Variants in NSUN6 observed in about 807,000 individuals in gnomAD.
The protein encoded by NSUN6 is NOP2/Sun RNA methyltransferase 6.
A neutral mutation model predicts 58.0 loss-of-function variants in NSUN6; 64 were observed. That is an observed-to-expected ratio of 1.10 (90% CI 0.90 to 1.36). NSUN6 has a LOEUF of 1.36. NSUN6 is among the 40% of genes most tolerant of loss of function. The pLI is 0.00. For synonymous variants in NSUN6, 231 were observed against 193.9 expected (o/e 1.19, Z -1.59); for missense variants, 701 against 550.1 (o/e 1.27, Z -2.74).
chr10:18,562,119 G>A (rs1262101122), intron 8 of NSUN6, among the ~76,000 whole-genome samples: 2 of 150,734 alleles, frequency 1.3e-5, no homozygotes, highest in East Asian at 2.0e-4. Flanking sequence ...GTGGAGCACT[G>A]AATGGAATGG....
At chr10:18,591,445 T>C (rs1213509353) in intron 7 of NSUN6, among the ~76,000 whole-genome samples, 1 of 152,186 alleles carries the variant, frequency 6.6e-6, no homozygotes, top group East Asian at 1.9e-4. Context: ...ACAATATCCC[T>C]GATGAATATC....
chr10:18,547,333 G>C (rs1325577012), intron 10 of NSUN6, among the ~76,000 whole-genome samples: 1 of 152,172 alleles, frequency 6.6e-6, no homozygotes, highest in Non-Finnish European at 1.5e-5. Flanking sequence ...TATATTTTGA[G>C]TGTGTGTATA....
intron 3 of NSUN6, among the ~76,000 whole-genome samples, chr10:18,622,059 CAG>C (rs138349101): frequency 1.3e-5 from 2 of 151,822 alleles, no homozygotes; most frequent in Non-Finnish European, 2.9e-5. Context: ...CACACACACA[CAG>C]ACACACACAC....
rs10579235 is a variant in NSUN6 at position 18,611,723 on chromosome 10, GGTGT to G, written c.576-1801_576-1798del. Among the ~76,000 whole-genome samples the G allele has an allele frequency of 8.9e-3, 1,324 of 148,902 alleles. 13 individuals carry two copies. Among genetic ancestry groups the G allele is most frequent in the South Asian group, 0.036 (169 of 4,668 alleles). ...GTGTGTGTGGACAGAGTCTCACTAT[GGTGT>G]GTGTGTGTGTGTGTGTGTGTGTCTG... On this transcript the variant is annotated intron_variant, in intron 5 of 10. Coordinates refer to ENST00000377304, the MANE Select transcript of NSUN6 (RefSeq NM_182543.5).
intron 3 of NSUN6, among the ~76,000 whole-genome samples, chr10:18,622,756 C>T (rs2058657492): frequency 6.6e-6 from 1 of 152,142 alleles, no homozygotes; most frequent in African/African-American, 2.4e-5. Context: ...GAAGACAAAT[C>T]CAGTCTCATT....
intron 9 of NSUN6, among the ~76,000 whole-genome samples, chr10:18,551,542 A>G (rs115373497): frequency 0.019 from 2,940 of 152,188 alleles, 106 homozygotes; most frequent in African/African-American, 0.067. Context: ...AAAATCTTAA[A>G]GCATTTTTCC....
intron 4 of NSUN6, among the ~76,000 whole-genome samples, 165 bp downstream of exon 4, chr10:18,616,019 T>C (rs997766789): frequency 1.3e-5 from 2 of 151,754 alleles, no homozygotes; most frequent in South Asian, 2.1e-4. Flanking sequence ...ATATGATGAC[T>C]AGTTTGTTAG....
rs1242735038 is a variant in NSUN6, at chr10:18,551,796, G to A, written c.1071+27C>T. ...CATCAAAGTAGCAAAAGTTAACTTT[G>A]TTTCACAAAAACAGACCACCACATA... On this transcript the variant is annotated intron_variant, in intron 9 of 10. Coordinates refer to ENST00000377304, the MANE Select transcript of NSUN6 (RefSeq NM_182543.5). The A allele has an allele frequency of 1.9e-6, 3 of 1,597,150 alleles. No homozygotes were observed. In the African/African-American group the frequency reaches 4.0e-5, roughly 21 times the overall value.
At chr10:18,646,592 C>A (rs183022604) in intron 2 of NSUN6, among the ~76,000 whole-genome samples, 3 of 152,194 alleles carry the variant, frequency 2.0e-5, no homozygotes, top group African/African-American at 4.8e-5. Context: ...CGCCTGTAAT[C>A]CCAGCAGTTT....
intron 6 of NSUN6, among the ~76,000 whole-genome samples, chr10:18,601,832 CT>C (rs2057852656): frequency 6.6e-6 from 1 of 151,876 alleles, no homozygotes; most frequent in Middle Eastern, 3.4e-3. Context: ...CAAAAATTAG[CT>C]GGGCATGGTG....
At chr10:18,638,667 G>A (rs1192574979) in intron 3 of NSUN6, among the ~76,000 whole-genome samples, 27 of 152,072 alleles carry the variant, frequency 1.8e-4, no homozygotes, top group Admixed American at 1.8e-3. Flanking sequence ...AGTGCTAAGG[G>A]AAATACTATG....
At chr10:18,658,957 G>A (rs2059808124), upstream of NSUN6, among the ~76,000 whole-genome samples, 1 of 152,230 alleles carries the variant, frequency 6.6e-6, no homozygotes, top group Non-Finnish European at 1.5e-5. Flanking sequence ...TAGCACGCCT[G>A]CCTAGGGGAA....
At chr10:18,572,441 C>T in intron 8 of NSUN6, among the ~76,000 whole-genome samples, 1 of 150,080 alleles carries the variant, frequency 6.7e-6, no homozygotes, top group South Asian at 2.1e-4. Flanking sequence ...TTCCATTGTC[C>T]ATTCCATTCC....
intron 8 of NSUN6, among the ~76,000 whole-genome samples, chr10:18,562,999 G>T (rs904323108): frequency 1.3e-5 from 2 of 149,758 alleles, no homozygotes; most frequent in African/African-American, 2.5e-5. Flanking sequence ...AATGGAAAAT[G>T]TAACAAATGG....
intron 3 of NSUN6, among the ~76,000 whole-genome samples, chr10:18,623,842 T>C (rs1396447390): frequency 6.6e-6 from 1 of 152,184 alleles, no homozygotes; most frequent in Non-Finnish European, 1.5e-5. Context: ...GCCTCGGCTC[T>C]GCTCACCAGG....
rs1165319274 is a variant in NSUN6, at chr10:18,578,681, G to A, written c.922+7268C>T. Among the ~76,000 whole-genome samples, 3 of 152,246 alleles carry A rather than the reference G, an allele frequency of 2.0e-5. No homozygotes were observed. In the East Asian group the frequency reaches 5.8e-4, roughly 29 times the overall value. On this transcript the variant is annotated intron_variant, in intron 8 of 10. Coordinates refer to ENST00000377304, the MANE Select transcript of NSUN6 (RefSeq NM_182543.5). ...CTCTCTACTGAAATACCTTCTGGTT[G>A]TCTTTTAATCCTGTGGCCAGCTGAA... is the stretch of plus-strand genomic sequence containing the variant.
chr10:18,611,374 G>C (rs1363057022), intron 5 of NSUN6, among the ~76,000 whole-genome samples: 1 of 152,004 alleles, frequency 6.6e-6, no homozygotes, highest in Non-Finnish European at 1.5e-5. Flanking sequence ...TGGCAGACAT[G>C]CATCTACATG....
chr10:18,610,823 GA>G (rs2058206781), intron 5 of NSUN6, among the ~76,000 whole-genome samples: 1 of 152,150 alleles, frequency 6.6e-6, no homozygotes, highest in South Asian at 2.1e-4. Flanking sequence ...CAAAGCAAGC[GA>G]AAGGAGAAAC....
At chr10:18,581,605 T>C (rs2056907475) in intron 8 of NSUN6, among the ~76,000 whole-genome samples, 1 of 152,060 alleles carries the variant, frequency 6.6e-6, no homozygotes, top group Admixed American at 6.5e-5. Flanking sequence ...GGTGGGCGGA[T>C]CACAAGGTCA....
Sources: gnomAD v4.1 joint callset for allele counts (sites outside exome capture counted in the v4.1 genomes callset) on GRCh38, gnomAD v4.1.1 for gene constraint, MANE v1.5 for transcripts, NCBI Gene and HGNC (gene_info 2026-07-23, HGNC 2026-07-21) for gene names.